Variants in GHITM observed in about 807,000 individuals in gnomAD.
The protein encoded by GHITM is growth hormone-inducible transmembrane protein.
Under a neutral mutation model 38.7 loss-of-function variants are expected in GHITM, and 24 were observed. That is an observed-to-expected ratio of 0.62 (90% CI 0.45 to 0.87). The LOEUF (loss-of-function observed/expected upper bound fraction) is 0.87, where lower values mean the gene tolerates loss of function less well. Ranked by LOEUF, GHITM falls within the 40% of genes least tolerant of loss-of-function variation. GHITM has a pLI of 0.00. For missense variants in GHITM, 420 were observed against 429.8 expected (o/e 0.98, Z 0.20); for synonymous variants, 154 against 147.8 (o/e 1.04, Z -0.30).
At chr10:84,144,154 A>C (rs1841534318) in intron 4 of GHITM, 48 bp downstream of exon 4, 1 of 1,226,854 alleles carries the variant, frequency 8.2e-7, no homozygotes, top group Non-Finnish European at 1.2e-6. Context: ...CTCCAGCCTT[A>C]AAACAAAAAT....
chr10:84,140,319 C>T (rs1171103652), intron 1 of GHITM: 4 of 152,172 alleles, frequency 2.6e-5, no homozygotes, highest in Non-Finnish European at 2.9e-5. Flanking sequence ...CTTAATAGTT[C>T]AGTTGCAGAG....
chr10:84,144,345 TTTTG>T (rs148723613), intron 4 of GHITM, among the ~76,000 whole-genome samples: 7 of 117,482 alleles, frequency 6.0e-5, no homozygotes, highest in Admixed American at 8.4e-5. Context: ...GAAATATGTT[TTTTG>T]TTTGTTTGTT....
At chr10:84,139,890 T>TGGGGCA (rs1841488681) in intron 1 of GHITM, 1 of 152,552 alleles carries the variant, frequency 6.6e-6, no homozygotes, top group Non-Finnish European at 1.5e-5. Flanking sequence ...TAGCGGCACC[T>TGGGGCA]GGGGCAGGGG....
At chr10:84,140,974 A>T (rs139812779) in intron 1 of GHITM, among the ~76,000 whole-genome samples, 2 of 152,180 alleles carry the variant, frequency 1.3e-5, no homozygotes, top group East Asian at 3.8e-4. Flanking sequence ...GCTTCTTTTA[A>T]TACCTTTTAG....
chr10:84,144,836 C>G lies in GHITM; in HGVS notation c.342-39C>G, dbSNP rs763301898. The stretch of plus-strand genomic sequence containing the variant: ...TGTGTGACTCAACCAGAAATCAAAT[C>G]TGTAATTTCATAGATTAATCATGTC... On this transcript the variant is annotated intron_variant, in intron 4 of 8. Coordinates refer to ENST00000372134, the MANE Select transcript of GHITM (RefSeq NM_014394.3). 2.7e-6 allele frequency: 4 copies of G among 1,481,144 alleles called. No homozygotes were observed. The African/African-American group carries it at 5.6e-5, about 21-fold the overall frequency. 91.8% of individuals were successfully genotyped at this position (1,481,144 alleles called of 1,614,324 possible). A position where few individuals can be genotyped will look rare whatever the true frequency, so the allele number is the denominator to read the frequency against.
Position 84,148,806 on chromosome 10 carries a change from G to T in GHITM, c.560G>T (p.Gly187Val). ...VRSIPYDQSP[G>V]PKHLAWLLHS... ...TCAATACCATATGACCAGAGCCCAGGCCCAAAGCATCTTGCTTGGTTGCTA... is the reference window on the plus strand; with the variant it reads ...TCAATACCATATGACCAGAGCCCAGTCCCAAAGCATCTTGCTTGGTTGCTA... The change falls in exon 6 of 9, where the codon GGC becomes GTC. Residue 187 changes from glycine to valine, a missense_variant. Coordinates refer to ENST00000372134, the MANE Select transcript of GHITM (RefSeq NM_014394.3). 1 of 1,611,894 alleles carries T rather than the reference G, an allele frequency of 6.2e-7. No individual in the cohort carries two copies. The highest frequency in any genetic ancestry group is 1.7e-4 in the Middle Eastern group (1 of 6,056).
chr10:84,147,172 G>T (rs181801641), intron 5 of GHITM, among the ~76,000 whole-genome samples: 135 of 152,310 alleles, frequency 8.9e-4, no homozygotes, highest in African/African-American at 3.1e-3. Context: ...TTTAATTGCT[G>T]CTGTCCACAG....
rs1386631481 is a variant in GHITM at position 84,153,211 on chromosome 10, A to G, written c.*863A>G. The G allele has an allele frequency of 2.0e-5, 3 of 152,268 alleles. No individual in the cohort carries two copies. The highest frequency in any genetic ancestry group is 7.2e-5 in the African/African-American group (3 of 41,562). The allele number at this position is 152,268 out of a possible 1,614,324, so 9.4% of individuals were successfully genotyped here. A position where few individuals can be genotyped will look rare whatever the true frequency, so the allele number is the denominator to read the frequency against. On this transcript the variant is annotated 3_prime_UTR_variant, in exon 9 of 9. Transcript: ENST00000372134. ...TTTTTTTATTTTTGCATATTTATTGAACTGTCTAATTGAATACAGCTTGCT... is the reference window on the plus strand; with the variant it reads ...TTTTTTTATTTTTGCATATTTATTGGACTGTCTAATTGAATACAGCTTGCT...
In GHITM at chr10:84,143,978, C is replaced by G; in HGVS notation, c.230-17C>G. 1 of 1,544,254 alleles carries G rather than the reference C, an allele frequency of 6.5e-7. No homozygotes were observed. Among genetic ancestry groups the G allele is most frequent in the Non-Finnish European group, 9.0e-7 (1 of 1,116,252 alleles). ...GATGTGCCAGTACTAACCTGCATTT[C>G]CTTCTGTGTTCTGCAGTTGATCAGA... On this transcript the variant is annotated splice_polypyrimidine_tract_variant and intron_variant, in intron 3 of 8. Coordinates refer to ENST00000372134, the MANE Select transcript of GHITM (RefSeq NM_014394.3).
At chr10:84,140,795 A>G (rs141274714) in intron 1 of GHITM, among the ~76,000 whole-genome samples, 19 of 152,256 alleles carry the variant, frequency 1.2e-4, no homozygotes, top group Admixed American at 1.1e-3. Flanking sequence ...AGGGAGTCTA[A>G]TGTAAGGGAA....
chr10:84,148,039 A>G (rs1841573328), intron 5 of GHITM, among the ~76,000 whole-genome samples: 1 of 152,138 alleles, frequency 6.6e-6, no homozygotes, highest in Non-Finnish European at 1.5e-5. Flanking sequence ...TGTGCTATAC[A>G]AAAATATATT....
chr10:84,146,487 T>A (rs1469675522), intron 5 of GHITM, among the ~76,000 whole-genome samples: 1 of 152,220 alleles, frequency 6.6e-6, no homozygotes, highest in Non-Finnish European at 1.5e-5. Flanking sequence ...ATTTTCACTG[T>A]GTTGTACTTT....
chr10:84,142,790 A>G (rs755377500), intron 3 of GHITM, 36 bp downstream of exon 3: 4 of 1,145,384 alleles, frequency 3.5e-6, no homozygotes, highest in Admixed American at 1.8e-5. Context: ...CCTAGAATCT[A>G]TGGATATGTT....
chr10:84,150,546 G>A (rs1478067449), intron 7 of GHITM, among the ~76,000 whole-genome samples, 163 bp from the exon 8 acceptor site: 1 of 152,158 alleles, frequency 6.6e-6, no homozygotes, highest in Non-Finnish European at 1.5e-5. Context: ...GAGTATCATG[G>A]ATTTTGAACT....
At chr10:84,146,672 G>A (rs186749231) in intron 5 of GHITM, among the ~76,000 whole-genome samples, 18 of 152,274 alleles carry the variant, frequency 1.2e-4, no homozygotes, top group Admixed American at 5.2e-4. Flanking sequence ...CAATACTTTT[G>A]TAATAAACAT....
intron 5 of GHITM, among the ~76,000 whole-genome samples, chr10:84,145,820 TTGG>T (rs1841551559): frequency 6.6e-6 from 1 of 152,242 alleles, no homozygotes. Flanking sequence ...AGTTTCTGTC[TTGG>T]ACTGTTAGGC....
In GHITM at chr10:84,142,673, A is replaced by G; in HGVS notation, c.148A>G (p.Arg50Gly). The change falls in exon 3 of 9, where the codon AGA becomes GGA. Residue 50 changes from arginine to glycine, a missense_variant. By Grantham distance (125) the Arg-to-Gly change is moderately radical. Transcript: ENST00000372134. ...GTGTCAGGAATATGCCACCAAAACA[A>G]GAATTGGGATCCGGCGTGGGAGAAC... ...TPSREYATKT[R>G]IGIRRGRTGQ... is the part of the protein sequence containing the mutation. 1 of 1,612,300 alleles carries G rather than the reference A, an allele frequency of 6.2e-7. No individual in the cohort carries two copies. Among genetic ancestry groups the G allele is most frequent in the Non-Finnish European group, 8.5e-7 (1 of 1,178,650 alleles).
chr10:84,146,746 C>A (rs1380071593), intron 5 of GHITM, among the ~76,000 whole-genome samples: 1 of 152,116 alleles, frequency 6.6e-6, no homozygotes. Flanking sequence ...GTGTTTGGGC[C>A]ATATCCTCAG....
At chr10:84,146,570 A>G (rs1245716260) in intron 5 of GHITM, among the ~76,000 whole-genome samples, 2 of 152,196 alleles carry the variant, frequency 1.3e-5, no homozygotes, top group South Asian at 2.1e-4. Flanking sequence ...TTTTTCACAT[A>G]GACGTCATGA....
Sources: gnomAD v4.1 joint callset for allele counts (sites outside exome capture counted in the v4.1 genomes callset) on GRCh38, gnomAD v4.1.1 for gene constraint, MANE v1.5 for transcripts, NCBI Gene and HGNC (gene_info 2026-07-23, HGNC 2026-07-21) for gene names.